Variants in MITF observed in about 807,000 individuals in gnomAD.
MITF encodes melanocyte inducing transcription factor, also known as microphthalmia-associated transcription factor.
A neutral mutation model predicts 60.5 loss-of-function variants in MITF; 17 were observed. The observed-to-expected ratio is 0.28, with a 90% CI of 0.19 to 0.42. The LOEUF is 0.42. MITF is among the 10% of genes least tolerant of loss of function. The pLI, the probability that MITF is intolerant of heterozygous loss-of-function variation, is 1.00. For missense variants in MITF, 622 were observed against 683.5 expected (o/e 0.91, Z 1.00); for synonymous variants, 260 against 248.5 (o/e 1.05, Z -0.43).
At chr3:69,931,734 GATATGCACCTGGA>G (rs952535927) in intron 2 of MITF, among the ~76,000 whole-genome samples, 10 of 152,064 alleles carry the variant, frequency 6.6e-5, no homozygotes, top group South Asian at 2.1e-4. Context: ...GCACACCTGG[GATATGCACCTGGA>G]ATATGCACCT....
intron 1 of MITF, among the ~76,000 whole-genome samples, chr3:69,800,747 A>T (rs2062906833): frequency 1.3e-5 from 2 of 152,158 alleles, no homozygotes; most frequent in South Asian, 2.1e-4. Context: ...TTTAAAAAAA[A>T]ATTGGATATT....
chr3:69,801,268 C>T (rs1485838614), intron 1 of MITF, among the ~76,000 whole-genome samples: 2 of 151,898 alleles, frequency 1.3e-5, no homozygotes, highest in Non-Finnish European at 2.9e-5. Context: ...ATTATAGATT[C>T]CCTCTCCTCC....
intron 2 of MITF, among the ~76,000 whole-genome samples, chr3:69,883,256 GT>G (rs2064530104): frequency 6.6e-6 from 1 of 152,164 alleles, no homozygotes; most frequent in African/African-American, 2.4e-5. Flanking sequence ...GATGCTTGCT[GT>G]TTGTCAAATA....
chr3:69,822,149 A>G (rs1033789950), intron 1 of MITF, among the ~76,000 whole-genome samples: 11 of 152,250 alleles, frequency 7.2e-5, no homozygotes, highest in African/African-American at 2.7e-4. Flanking sequence ...TATAAACCAC[A>G]CCTGGCCTGT....
At chr3:69,747,253 A>G (rs1447180686) in intron 1 of MITF, among the ~76,000 whole-genome samples, 1 of 152,234 alleles carries the variant, frequency 6.6e-6, no homozygotes, top group Non-Finnish European at 1.5e-5. Flanking sequence ...GATGAGTTTT[A>G]CTAACTGCTA....
intron 1 of MITF, among the ~76,000 whole-genome samples, chr3:69,834,447 A>G (rs1040545122): frequency 6.6e-6 from 1 of 152,080 alleles, no homozygotes; most frequent in African/African-American, 2.4e-5. Context: ...TGTATGGCTT[A>G]TTTCCCTTAA....
At chr3:69,937,584 C>A (rs1006868231) in intron 2 of MITF, among the ~76,000 whole-genome samples, 1 of 152,024 alleles carries the variant, frequency 6.6e-6, no homozygotes, top group African/African-American at 2.4e-5. Flanking sequence ...TTGAAAGAGA[C>A]GTATAGTTAA....
At chr3:69,818,565 G>A (rs951394348) in intron 1 of MITF, among the ~76,000 whole-genome samples, 4 of 152,032 alleles carry the variant, frequency 2.6e-5, no homozygotes, top group African/African-American at 9.7e-5. Context: ...TTCAATTTAA[G>A]CCCTATTAGG....
At chr3:69,942,021 C>G (rs534123962) in intron 5 of MITF, among the ~76,000 whole-genome samples, 2 of 152,122 alleles carry the variant, frequency 1.3e-5, no homozygotes, top group African/African-American at 4.8e-5. Context: ...GACAGTCTTA[C>G]GCAAGATTAC....
intron 1 of MITF, among the ~76,000 whole-genome samples, chr3:69,757,748 A>G (rs2062147690): frequency 6.6e-6 from 1 of 152,142 alleles, no homozygotes; most frequent in South Asian, 2.1e-4. Flanking sequence ...CTTGTTTTCC[A>G]GGAGTTATGG....
intron 1 of MITF, among the ~76,000 whole-genome samples, chr3:69,867,217 A>G (rs1317814973): frequency 2.0e-5 from 3 of 152,156 alleles, no homozygotes; most frequent in Non-Finnish European, 4.4e-5. Flanking sequence ...AGAGGTTCTG[A>G]TTAAGTCAGA....
chr3:69,803,850 A>T (rs551449574), intron 1 of MITF, among the ~76,000 whole-genome samples: 1 of 151,730 alleles, frequency 6.6e-6, no homozygotes, highest in African/African-American at 2.4e-5. Flanking sequence ...TTAACCACAA[A>T]TTTTCCTGTA....
At chr3:69,776,024 C>G (rs144472539) in intron 1 of MITF, among the ~76,000 whole-genome samples, 2 of 152,312 alleles carry the variant, frequency 1.3e-5, no homozygotes, top group African/African-American at 4.8e-5. Flanking sequence ...AATAGTCACA[C>G]CCTAAATTAT....
chr3:69,934,621 A>G (rs1045078834), intron 2 of MITF, among the ~76,000 whole-genome samples: 1 of 152,196 alleles, frequency 6.6e-6, no homozygotes, highest in Non-Finnish European at 1.5e-5. Flanking sequence ...CAGAAGGTAC[A>G]CGGGTTGTTA....
chr3:69,846,592 A>T (rs2063737136), intron 1 of MITF, among the ~76,000 whole-genome samples: 1 of 152,160 alleles, frequency 6.6e-6, no homozygotes, highest in African/African-American at 2.4e-5. Context: ...AGGCAGGTAG[A>T]TCACCTGAGG....
chr3:69,803,093 A>T (rs1338689830), intron 1 of MITF, among the ~76,000 whole-genome samples: 3 of 152,172 alleles, frequency 2.0e-5, no homozygotes, highest in Non-Finnish European at 4.4e-5. Context: ...CCATATTCTT[A>T]TGCAGCTTCT....
chr3:69,799,953 T>G (rs181514627), intron 1 of MITF, among the ~76,000 whole-genome samples: 4 of 152,206 alleles, frequency 2.6e-5, no homozygotes, highest in Admixed American at 2.6e-4. Flanking sequence ...TAATTTTAAA[T>G]TGAGATGTAA....
At chr3:69,832,421 C>T (rs1480673508) in intron 1 of MITF, among the ~76,000 whole-genome samples, 1 of 152,184 alleles carries the variant, frequency 6.6e-6, no homozygotes, top group East Asian at 1.9e-4. Flanking sequence ...ATGTGTTAGA[C>T]CTTGGGCAAG....
intron 2 of MITF, among the ~76,000 whole-genome samples, chr3:69,903,119 A>C: frequency 6.6e-6 from 1 of 152,170 alleles, no homozygotes; most frequent in Admixed American, 6.5e-5. Context: ...ATGAAAATGC[A>C]ATGTGTATCA....
Sources: allele counts gnomAD v4.1 joint callset (sites outside exome capture counted in the v4.1 genomes callset), GRCh38; gene constraint gnomAD v4.1.1; transcripts MANE v1.5; gene names NCBI Gene and HGNC (gene_info 2026-07-23, HGNC 2026-07-21).